The following SMPD2 variants were observed in gnomAD, a reference collection of about 807,000 sequenced individuals.
The protein encoded by SMPD2 is sphingomyelin phosphodiesterase 2, also known as N-SMase.
SMPD2 carries 35 observed loss-of-function variants against 41.7 expected under a neutral mutation model. That is an observed-to-expected ratio of 0.84 (90% CI 0.64 to 1.11). The LOEUF (loss-of-function observed/expected upper bound fraction) is 1.11. Among genes scored for constraint, SMPD2 ranks in the 50% most tolerant of loss-of-function variants. The pLI, the probability that SMPD2 is intolerant of heterozygous loss-of-function variation, is 0.00. For missense variants in SMPD2, 520 were observed against 524.8 expected (o/e 0.99, Z 0.09); for synonymous variants, 201 against 208.2 (o/e 0.97, Z 0.30).
Position 109,440,894 on chromosome 6 carries a change from G to A in SMPD2, c.-228G>A. ...CCTGGGCGCCCGGATTTCGGCAGCG[G>A]ATCGCCTTTCCGGGTTGGCGGCCCG... On this transcript the variant is annotated 5_prime_UTR_variant, in exon 1 of 10. Coordinates refer to ENST00000258052, the MANE Select transcript of SMPD2 (RefSeq NM_003080.3). 1.8e-6 allele frequency: 1 copy of A among 556,682 alleles called. No homozygotes were observed. 34.5% of individuals were successfully genotyped at this position (556,682 alleles called of 1,614,324 possible). A position where few individuals can be genotyped will look rare whatever the true frequency, so the allele number is the denominator to read the frequency against.
Position 109,441,082 on chromosome 6 carries a change from G to T in SMPD2, c.-40G>T, listed in dbSNP as rs1774848715. Reference sequence around the variant, plus strand: ...CCCGTCCCCACCGCGGCCGTCGCTGGAGAGTTCGAGCCGCCTAGCGCCCCT... The same window carrying T: ...CCCGTCCCCACCGCGGCCGTCGCTGTAGAGTTCGAGCCGCCTAGCGCCCCT... On this transcript the variant is annotated 5_prime_UTR_variant, in exon 1 of 10. Coordinates refer to ENST00000258052, the MANE Select transcript of SMPD2 (RefSeq NM_003080.3). 1 of 1,611,838 alleles carries T rather than the reference G, an allele frequency of 6.2e-7. No individual in the cohort carries two copies. The highest frequency in any genetic ancestry group is 1.3e-5 in the African/African-American group (1 of 74,866).
intron 3 of SMPD2, 73 bp from the exon 4 acceptor site, chr6:109,441,901 A>C (rs1774910837): frequency 7.4e-7 from 1 of 1,348,666 alleles, no homozygotes; most frequent in Non-Finnish European, 1.1e-6. Flanking sequence ...TCAGAGCTGG[A>C]AGACAAGGGA....
In SMPD2 at chr6:109,443,802, A is replaced by G. The variant is rs1167995328; in HGVS notation, c.1169A>G (p.Gln390Arg). The G allele has an allele frequency of 6.2e-7, 1 of 1,614,024 alleles. No homozygotes were observed. Among genetic ancestry groups the G allele is most frequent in the East Asian group, 2.2e-5 (1 of 44,882 alleles). Residue 390 changes from glutamine to arginine, a missense_variant, in exon 10 of 10, where the codon CAG (glutamine) becomes CGG (arginine). Physicochemically the swap from Gln to Arg is conservative, Grantham distance 43. Coordinates refer to ENST00000258052, the MANE Select transcript of SMPD2 (RefSeq NM_003080.3). The part of the protein sequence containing the change: ...NGLYRAQAEL[Q>R]HVLGRAREAQ... ...TTATATAGGGCCCAGGCTGAGCTCC[A>G]GCATGTGCTAGGAAGGGCAAGGGAG...
At chr6:109,442,662 G>A in intron 6 of SMPD2, 37 bp downstream of exon 6, 1 of 1,614,162 alleles carries the variant, frequency 6.2e-7, no homozygotes, top group Non-Finnish European at 8.5e-7. Flanking sequence ...AAGTGGGATG[G>A]GACCCAGGGG....
Position 109,441,590 on chromosome 6 carries a change from G to GCTGT in SMPD2, c.188_191dup (p.Pro65ValfsTer48). 1 of 1,614,224 alleles carries GCTGT rather than the reference G, an allele frequency of 6.2e-7. No homozygotes were observed. Among genetic ancestry groups the GCTGT allele is most frequent in the Non-Finnish European group, 8.5e-7 (1 of 1,180,038 alleles). ...AGGACTTCCAGTACCTGAGACAGAAGCTGTCACCTACCTACCCAGCTGCAC... is the reference window on the plus strand; with the variant it reads ...AGGACTTCCAGTACCTGAGACAGAAGCTGTCTGTCACCTACCTACCCAGCTGCAC... On this transcript the variant is annotated frameshift_variant, in exon 3 of 10. Coordinates refer to ENST00000258052, the MANE Select transcript of SMPD2 (RefSeq NM_003080.3). LOFTEE classifies it high-confidence loss of function.
Position 109,443,915 on chromosome 6 carries a change from C to G in SMPD2, c.*10C>G, listed in dbSNP as rs1271042147. The G allele has an allele frequency of 1.3e-6, 2 of 1,591,320 alleles. No homozygotes were observed. The highest frequency in any genetic ancestry group is 1.7e-6 in the Non-Finnish European group (2 of 1,169,780). ...AACTAAAGAACAATAAAGCTTGGCC[C>G]TTTAGTGGCTCTGCCTTTTTCCTTG... On this transcript the variant is annotated 3_prime_UTR_variant, in exon 10 of 10. Coordinates refer to ENST00000258052, the MANE Select transcript of SMPD2 (RefSeq NM_003080.3).
In SMPD2 at chr6:109,443,533, G is replaced by A. The variant is rs1323050537; in HGVS notation, c.900G>A (p.Ser300=). 9.3e-6 allele frequency: 15 copies of A among 1,610,278 alleles called. No homozygotes were observed. The highest frequency in any genetic ancestry group is 1.2e-5 in the Non-Finnish European group (14 of 1,177,566). Residue 300 remains serine (S), a synonymous_variant, in exon 10 of 10, where the codon TCG becomes TCA. Coordinates refer to ENST00000258052, the MANE Select transcript of SMPD2 (RefSeq NM_003080.3). ...PSSTHGPAER[S]PLMCVLKEAW... Reference sequence around the variant, plus strand: ...CTGTTGTAGGACCAGCAGAGAGGTCGCCGTTGATGTGTGTGCTAAAGGAGG... The same window carrying A: ...CTGTTGTAGGACCAGCAGAGAGGTCACCGTTGATGTGTGTGCTAAAGGAGG...
In SMPD2 at chr6:109,441,428, G is replaced by A; in HGVS notation, c.122G>A (p.Ser41Asn). ...RRLGDFLNQE[S>N]FDLALLEEVW... ...CTGGGAGACTTTCTGAACCAGGAGA[G>A]CTTCGACCTGGCTTTGCTGGAGGAG... The change falls in exon 2 of 10, where the codon AGC becomes AAC. Residue 41 changes from serine (S) to asparagine (N), a missense_variant. Ser to Asn is a conservative substitution (Grantham distance 46, BLOSUM62 1). Coordinates refer to ENST00000258052, the MANE Select transcript of SMPD2 (RefSeq NM_003080.3). 1 of 1,614,204 alleles carries A rather than the reference G, an allele frequency of 6.2e-7. No homozygotes were observed. Among genetic ancestry groups the A allele is most frequent in the Non-Finnish European group, 8.5e-7 (1 of 1,180,018 alleles).
rs776474841 is a variant in SMPD2, at chr6:109,442,998, A to G, written c.646A>G (p.Met216Val). Residue 216 changes from methionine (M) to valine (V), a missense_variant, in exon 8 of 10, where the codon ATG becomes GTG. Met to Val is a conservative substitution (Grantham distance 21). Transcript: ENST00000258052. ...TTAGGGCTCTGAGGAAGGCAACACA[A>G]TGGTACCCAAGAACTGCTACGTCAG... ...DFKGSEEGNT[M>V]VPKNCYVSQQ... 1.2e-6 allele frequency: 2 copies of G among 1,614,124 alleles called. No individual in the cohort carries two copies. The highest frequency in any genetic ancestry group is 1.1e-5 in the South Asian group (1 of 91,078).
chr6:109,442,703 AAGAGCTGGTGATG>A, intron 6 of SMPD2, 36 bp from the exon 7 acceptor site: 1 of 1,613,864 alleles, frequency 6.2e-7, no homozygotes, highest in Non-Finnish European at 8.5e-7. Flanking sequence ...AGTCATGGGG[AAGAGCTGGTGATG>A]GAAGAACTCC....
In SMPD2 at chr6:109,443,738, G is replaced by A; in HGVS notation, c.1105G>A (p.Gly369Ser). The A allele has an allele frequency of 6.2e-7, 1 of 1,614,034 alleles. No individual in the cohort carries two copies. The highest frequency in any genetic ancestry group is 8.5e-7 in the Non-Finnish European group (1 of 1,179,956). ...TPSVGLVLWA[G>S]AFYLFHVQEV... ...CAGTGTAGGGCTGGTGCTGTGGGCA[G>A]GTGCATTCTACCTCTTCCACGTACA... The change falls in exon 10 of 10, where the codon GGT (glycine) becomes AGT (serine). Residue 369 changes from glycine (G) to serine (S), a missense_variant. Physicochemically the swap from Gly to Ser is moderately conservative, Grantham distance 56. Transcript: ENST00000258052.
chr6:109,442,979 C>A lies in SMPD2; in HGVS notation c.627C>A (p.Gly209=). The A allele has an allele frequency of 6.2e-7, 1 of 1,613,966 alleles. No homozygotes were observed. The highest frequency in any genetic ancestry group is 8.5e-7 in the Non-Finnish European group (1 of 1,179,828). ...GCATGAGCCAATGATTCCCTTAGGG[C>A]TCTGAGGAAGGCAACACAATGGTAC... is the stretch of plus-strand genomic sequence containing the variant. ...DAYLETRDFK[G]SEEGNTMVPK... is the part of the protein sequence containing the mutation. The change falls in exon 8 of 10, where the codon GGC becomes GGA. Residue 209 remains glycine (G), a splice_region_variant and synonymous_variant. Coordinates refer to ENST00000258052, the MANE Select transcript of SMPD2 (RefSeq NM_003080.3).
At chr6:109,441,747 G>A (rs1447055915) in intron 3 of SMPD2, 119 bp downstream of exon 3, 7 of 1,018,372 alleles carry the variant, frequency 6.9e-6, no homozygotes, top group Non-Finnish European at 1.1e-5. Context: ...CTCTGGATGT[G>A]AGAGAAGGAG....
At chr6:109,443,125 T>C in intron 8 of SMPD2, 44 bp downstream of exon 8, 2 of 1,566,244 alleles carry the variant, frequency 1.3e-6, no homozygotes, top group Non-Finnish European at 1.8e-6. Flanking sequence ...CTGTGTCTCT[T>C]TGTCTACTAA....
At chr6:109,441,230 T>A in intron 1 of SMPD2, 59 bp downstream of exon 1, 1 of 1,603,066 alleles carries the variant, frequency 6.2e-7, no homozygotes, top group Non-Finnish European at 8.5e-7. Context: ...CCATGCAGCC[T>A]TCCTCCCCCT....
intron 5 of SMPD2, 40 bp downstream of exon 5, chr6:109,442,339 C>G: frequency 1.3e-6 from 2 of 1,573,102 alleles, no homozygotes; most frequent in Non-Finnish European, 1.8e-6. Context: ...GGACATGCAG[C>G]CCAGTCCTGG....
rs1774930499 is a variant in SMPD2 at position 109,442,141 on chromosome 6, T to C, written c.319-69T>C. 7 of 1,578,364 alleles carry C rather than the reference T, an allele frequency of 4.4e-6. No homozygotes were observed. In the South Asian group the frequency reaches 6.6e-5, roughly 15 times the overall value. ...ATACAAGGTAGAGGAGGCAGCCCTC[T>C]GAGAGCTGCAGGGGATGGGCAGAAA... On this transcript the variant is annotated intron_variant, in intron 4 of 9. Coordinates refer to ENST00000258052, the MANE Select transcript of SMPD2 (RefSeq NM_003080.3).
chr6:109,442,260 C>T lies in SMPD2; in HGVS notation c.369C>T (p.Leu123=), dbSNP rs755649825. 1 of 1,614,156 alleles carries T rather than the reference C, an allele frequency of 6.2e-7. No individual in the cohort carries two copies. Among genetic ancestry groups the T allele is most frequent in the Admixed American group, 1.7e-5 (1 of 60,020 alleles). ...FSGKAVGLLV[L]HLSGMVLNAY... is the part of the protein sequence containing the mutation. ...GGAAGGCTGTGGGGCTGCTGGTGCT[C>T]CATCTAAGTGGCATGGTGCTCAACG... Residue 123 remains leucine (L), a synonymous_variant, in exon 5 of 10, where the codon CTC becomes CTT. Coordinates refer to ENST00000258052, the MANE Select transcript of SMPD2 (RefSeq NM_003080.3).
In SMPD2 at chr6:109,443,090, C is replaced by T; in HGVS notation, c.729+9C>T. Reference sequence around the variant, plus strand: ...ACTACGTGCTTTACAAGGTCAGGCTCCTCCCTTCAACATGCTTTCATATGC... The same window carrying T: ...ACTACGTGCTTTACAAGGTCAGGCTTCTCCCTTCAACATGCTTTCATATGC... On this transcript the variant is annotated intron_variant, in intron 8 of 9. Transcript: ENST00000258052. 1 of 1,608,022 alleles carries T rather than the reference C, an allele frequency of 6.2e-7. No individual in the cohort carries two copies.
Sources: gnomAD v4.1 joint callset for allele counts on GRCh38, gnomAD v4.1.1 for gene constraint, MANE v1.5 for transcripts, NCBI Gene and HGNC (gene_info 2026-07-23, HGNC 2026-07-21) for gene names.